The following GRIN1 variants were observed in gnomAD, a reference collection of about 807,000 sequenced individuals.
GRIN1 encodes glutamate receptor ionotropic, NMDA 1.
GRIN1 carries 38 observed loss-of-function variants against 103.0 expected under a neutral mutation model. That is an observed-to-expected ratio of 0.37 (90% CI 0.28 to 0.48). The LOEUF (loss-of-function observed/expected upper bound fraction) is 0.48. Ranked by LOEUF, GRIN1 falls within the 20% of genes least tolerant of loss-of-function variation. The probability of loss-of-function intolerance (pLI) is 0.98; values close to 1 mark genes in which losing one functional copy is unlikely to be tolerated. For missense variants in GRIN1, 577 were observed against 1,288.9 expected (o/e 0.45, Z 8.46); for synonymous variants, 544 against 532.7 (o/e 1.02, Z -0.29).
chr9:137,143,546 C>T (rs561997845), intron 2 of GRIN1, among the ~76,000 whole-genome samples: 1 of 152,178 alleles, frequency 6.6e-6, no homozygotes, highest in African/African-American at 2.4e-5. Context: ...AAACGGATGC[C>T]CCTGGCCCAG....
chr9:137,140,282 G>A lies in GRIN1; in HGVS notation c.258+538G>A, dbSNP rs1832094040. ...GCACACGCGAGAGGCATCAGGGCATGGGAGCTGTCGGCAGCCAGCGCTGCG... is the reference window on the plus strand; with the variant it reads ...GCACACGCGAGAGGCATCAGGGCATAGGAGCTGTCGGCAGCCAGCGCTGCG... On this transcript the variant is annotated intron_variant, in intron 1 of 19. Transcript: ENST00000371561. Among the ~76,000 whole-genome samples the A allele has an allele frequency of 2.0e-5, 3 of 152,338 alleles. No homozygotes were observed. The South Asian group carries it at 6.2e-4, about 32-fold the overall frequency.
At chr9:137,163,081 C>G in intron 15 of GRIN1, 78 bp downstream of exon 15, 4 of 1,569,784 alleles carry the variant, frequency 2.5e-6, no homozygotes, top group Non-Finnish European at 3.4e-6. Context: ...GGCAGGAGAG[C>G]GTCCGGGCCG....
At position 137,146,947 on chromosome 9, in the gene GRIN1, G is replaced by C. The variant is rs148447372; in HGVS notation, c.570+1045G>C. ...TCGTGGGGGGTCTGCTGAGTCTTGG[G>C]GGGGAGGGGCATGGGCACCAAGGGC... On this transcript the variant is annotated intron_variant, in intron 3 of 19. Transcript: ENST00000371561. The surrounding 1 kb of genome is among the most constrained non-coding windows in gnomAD (Gnocchi z 6.7). 4.6e-5 allele frequency among the ~76,000 whole-genome samples: 7 copies of C among 151,776 alleles called. No homozygotes were observed. The highest frequency in any genetic ancestry group is 3.4e-3 in the Middle Eastern group (1 of 294).
rs1291832977 is a variant in GRIN1 at position 137,146,367 on chromosome 9, C to T, written c.570+465C>T. Among the ~76,000 whole-genome samples the T allele has an allele frequency of 6.6e-6, 1 of 152,118 alleles. No homozygotes were observed. Among genetic ancestry groups the T allele is most frequent in the African/African-American group, 2.4e-5 (1 of 41,402 alleles). On this transcript the variant is annotated intron_variant, in intron 3 of 19. Transcript: ENST00000371561. The surrounding 1 kb of genome is among the most constrained non-coding windows in gnomAD (Gnocchi z 6.7). The stretch of plus-strand genomic sequence containing the variant: ...GGCTGGGCCCATTCCCTGTCCTCCC[C>T]CGCGTGGCCTCCCCTGAAGCTCTGC...
rs1320529211 is a variant in GRIN1 at position 137,162,304 on chromosome 9, G to A, written c.1751+14G>A. On this transcript the variant is annotated intron_variant, in intron 12 of 19. Transcript: ENST00000371561. ...GGACCGCTTCAGGTGAGCGCGACCC[G>A]GGGCTCAGACACCTCCATCTGCGGG... 6.5e-7 allele frequency: 1 copy of A among 1,546,944 alleles called. No individual in the cohort carries two copies. The highest frequency in any genetic ancestry group is 8.7e-7 in the Non-Finnish European group (1 of 1,148,806).
chr9:137,160,623 G>C (rs1833481621), intron 8 of GRIN1, among the ~76,000 whole-genome samples: 1 of 152,156 alleles, frequency 6.6e-6, no homozygotes, highest in Admixed American at 6.5e-5. Context: ...GTAGAGACGG[G>C]GTTTCACCGT....
At chr9:137,164,812 C>T (rs374653222) in intron 18 of GRIN1, 1 of 321,018 alleles carries the variant, frequency 3.1e-6, no homozygotes. Flanking sequence ...CCTTGGGGGT[C>T]AGTGGCCTCC....
rs1126442 is a variant in GRIN1 at position 137,156,924 on chromosome 9, G to A, written c.855G>A (p.Val285=). The change falls in exon 6 of 20, where the codon GTG becomes GTA. Residue 285 remains valine, a synonymous_variant. Coordinates refer to ENST00000371561, the MANE Select transcript of GRIN1 (RefSeq NM_007327.4). The stretch of plus-strand genomic sequence containing the variant: ...AGTCGGCCCACATCAGCGACGCCGT[G>A]GGCGTGGTGGCCCAGGCCGTGCACG... ...KNESAHISDA[V]GVVAQAVHEL... is the part of the protein sequence containing the mutation. 475,670 of 1,611,588 alleles carry A rather than the reference G, an allele frequency of 0.3. 76,416 individuals are homozygous for A. Among genetic ancestry groups the A allele is most frequent in the Non-Finnish European group, 0.33 (386,194 of 1,179,434 alleles).
chr9:137,139,535 G>A lies in GRIN1; in HGVS notation c.49G>A (p.Val17Ile). 6.2e-7 allele frequency: 1 copy of A among 1,610,232 alleles called. No individual in the cohort carries two copies. The highest frequency in any genetic ancestry group is 8.5e-7 in the Non-Finnish European group (1 of 1,178,814). ...LTLALLFSCS[V>I]ARAACDPKIV... ...GCTCGCCCTGCTGTTCTCCTGCTCC[G>A]TCGCCCGTGCCGCGTGCGACCCCAA... The change falls in exon 1 of 20, where the codon GTC (valine) becomes ATC (isoleucine). Residue 17 changes from valine (V) to isoleucine (I), a missense_variant. Transcript: ENST00000371561. This position sits in a 1 kb window ranked among gnomAD's most constrained non-coding sequence, Gnocchi z 7.7.
In GRIN1 at chr9:137,146,245, C is replaced by T. The variant is rs182282186; in HGVS notation, c.570+343C>T. 7.2e-5 allele frequency among the ~76,000 whole-genome samples: 11 copies of T among 152,154 alleles called. No individual in the cohort carries two copies. In the East Asian group the frequency reaches 9.7e-4, roughly 13 times the overall value. ...CGGGCTTGGGACTCGTCACCCTTCC[C>T]GCCCACCCTGTCCTGAGTCCCCAGC... On this transcript the variant is annotated intron_variant, in intron 3 of 19. Coordinates refer to ENST00000371561, the MANE Select transcript of GRIN1 (RefSeq NM_007327.4). This position sits in a 1 kb window ranked among gnomAD's most constrained non-coding sequence, Gnocchi z 6.7.
rs1004912747 is a variant in GRIN1, at chr9:137,165,011, G to A, written c.2590-175G>A. The A allele has an allele frequency of 3.8e-5, 25 of 651,226 alleles. No homozygotes were observed. The African/African-American group carries it at 4.3e-4, about 11-fold the overall frequency. The allele number at this position is 651,226 out of a possible 1,614,324, so 40.3% of individuals were successfully genotyped here. A position where few individuals can be genotyped will look rare whatever the true frequency, so the allele number is the denominator to read the frequency against. On this transcript the variant is annotated intron_variant, in intron 18 of 19. Transcript: ENST00000371561. The stretch of plus-strand genomic sequence containing the variant: ...AGGTCAGGCCCGAGACCCCGGGCAG[G>A]AGAAGAGGCCACCCTCGAACGTCCG...
intron 18 of GRIN1, chr9:137,164,533 T>C: frequency 5.6e-6 from 1 of 177,910 alleles, no homozygotes; most frequent in South Asian, 1.3e-4. Flanking sequence ...GGTGCCGTCC[T>C]GGAGCCTGTG....
chr9:137,159,277 C>T (rs1833400463), intron 8 of GRIN1, among the ~76,000 whole-genome samples: 1 of 152,212 alleles, frequency 6.6e-6, no homozygotes, highest in Non-Finnish European at 1.5e-5. Flanking sequence ...ACTACCCCCA[C>T]TCCACACACA....
In GRIN1 at chr9:137,167,912, G is replaced by T; in HGVS notation, c.*385G>T. On this transcript the variant is annotated 3_prime_UTR_variant, in exon 20 of 20. Transcript: ENST00000371561. ...ACTGATGGGTCCTGCTGCTCGGGAA[G>T]GCCTGAGGGAAGCCCACCCGCCCCA... is the stretch of plus-strand genomic sequence containing the variant. The T allele has an allele frequency of 5.6e-6, 8 of 1,435,032 alleles. No individual in the cohort carries two copies. The highest frequency in any genetic ancestry group is 1.9e-6 in the Non-Finnish European group (2 of 1,031,240). The allele number at this position is 1,435,032 out of a possible 1,614,324, so 88.9% of individuals were successfully genotyped here.
chr9:137,158,479 C>T lies in GRIN1; in HGVS notation c.1069C>T (p.Gln357Ter), dbSNP rs1833357461. 6.2e-7 allele frequency: 1 copy of T among 1,613,224 alleles called. No homozygotes were observed. The highest frequency in any genetic ancestry group is 8.5e-7 in the Non-Finnish European group (1 of 1,179,972). Residue 357 changes from glutamine (Q) to a stop codon, truncating the protein, a stop_gained, in exon 7 of 20, where the codon CAG becomes TAG. Coordinates refer to ENST00000371561, the MANE Select transcript of GRIN1 (RefSeq NM_007327.4). LOFTEE classifies it high-confidence loss of function. ...CGCCAACTACAGCATCATGAACCTG[C>T]AGAACCGCAAGCTGGTGCAAGTGGG... ...KFANYSIMNL[Q>*]NRKLVQVGIY...
chr9:137,145,261 A>G (rs1180042895), intron 2 of GRIN1, among the ~76,000 whole-genome samples: 3 of 32,352 alleles, frequency 9.3e-5, no homozygotes, highest in African/African-American at 4.3e-4. Context: ...TGGGGACAGG[A>G]GTGAGAGGAA....
Position 137,146,178 on chromosome 9 carries a change from C to G in GRIN1, c.570+276C>G. Reference sequence around the variant, plus strand: ...CCCCGCGCTGCCGAGCGCCCTCGTCCCCTCCTCCTGCCCATGCCCCTCGCT... The same window carrying G: ...CCCCGCGCTGCCGAGCGCCCTCGTCGCCTCCTCCTGCCCATGCCCCTCGCT... On this transcript the variant is annotated intron_variant, in intron 3 of 19. Transcript: ENST00000371561. The surrounding 1 kb of genome is among the most constrained non-coding windows in gnomAD (Gnocchi z 6.7). 6.6e-6 allele frequency among the ~76,000 whole-genome samples: 1 copy of G among 152,260 alleles called. No individual in the cohort carries two copies. Among genetic ancestry groups the G allele is most frequent in the Non-Finnish European group, 1.5e-5 (1 of 67,994 alleles).
chr9:137,148,205 C>T (rs1334993253), intron 3 of GRIN1: 41 of 1,545,604 alleles, frequency 2.7e-5, no homozygotes, highest in South Asian at 4.8e-5. Flanking sequence ...ACAACAAGCG[C>T]GGACCCAAGG....
chr9:137,167,319 G>T, intron 19 of GRIN1, 92 bp from the exon 20 acceptor site: 1 of 993,362 alleles, frequency 1.0e-6, no homozygotes, highest in South Asian at 1.4e-5. Context: ...TCCTGTGGCC[G>T]GTCCGGGCCA....
Sources: gnomAD v4.1 joint callset for allele counts (sites outside exome capture counted in the v4.1 genomes callset) on GRCh38, gnomAD v4.1.1 for gene constraint, Gnocchi (gnomAD v3.1) non-coding constraint, MANE v1.5 for transcripts, NCBI Gene and HGNC (gene_info 2026-07-23, HGNC 2026-07-21) for gene names.